FRYL: variants seen among roughly 807,000 people sequenced by gnomAD.
FRYL encodes FRY like transcription coactivator.
In FRYL, 150 loss-of-function variants were observed where a neutral mutation model predicts 351.2. The observed-to-expected ratio is 0.43, with a 90% CI of 0.37 to 0.49. The LOEUF (loss-of-function observed/expected upper bound fraction) is 0.49. FRYL is among the 20% of genes least tolerant of loss of function. The pLI, the probability that FRYL is intolerant of heterozygous loss-of-function variation, is 0.00. For missense variants in FRYL, 3,036 were observed against 3,619.3 expected (o/e 0.84, Z 4.13); for synonymous variants, 1,153 against 1,257.1 (o/e 0.92, Z 1.75).
chr4:48,779,545 C>T (rs1176997133), intron 1 of FRYL, among the ~76,000 whole-genome samples: 2 of 151,918 alleles, frequency 1.3e-5, no homozygotes, highest in East Asian at 3.9e-4. Flanking sequence ...CGCCGGGGCC[C>T]GCCAGCCGCC....
At chr4:48,770,021 T>C (rs1280146228) in intron 1 of FRYL, among the ~76,000 whole-genome samples, 2 of 152,174 alleles carry the variant, frequency 1.3e-5, no homozygotes, top group Non-Finnish European at 2.9e-5. Flanking sequence ...TACCTGTACA[T>C]ACACATACAA....
At chr4:48,774,732 G>C (rs748883044) in intron 1 of FRYL, among the ~76,000 whole-genome samples, 5 of 152,028 alleles carry the variant, frequency 3.3e-5, no homozygotes, top group Non-Finnish European at 7.4e-5. Context: ...ATTTTAAGTA[G>C]AGACAGGGTT....
At chr4:48,642,688 G>T (rs980892813) in intron 3 of FRYL, among the ~76,000 whole-genome samples, 2 of 151,938 alleles carry the variant, frequency 1.3e-5, no homozygotes, top group Admixed American at 6.6e-5. Context: ...TTATTATAAA[G>T]CTCAAGAAAA....
chr4:48,503,095 G>A (rs1333087458), intron 60 of FRYL, among the ~76,000 whole-genome samples: 3 of 151,766 alleles, frequency 2.0e-5, no homozygotes, highest in Non-Finnish European at 4.4e-5. Flanking sequence ...ACTTATTTCT[G>A]TGTAAAAGCT....
At chr4:48,665,843 G>T (rs1761626416) in intron 3 of FRYL, among the ~76,000 whole-genome samples, 2 of 152,100 alleles carry the variant, frequency 1.3e-5, no homozygotes, top group Non-Finnish European at 2.9e-5. Context: ...CAAAGTAAAG[G>T]CTCACTATTT....
Position 48,544,118 on chromosome 4 carries a change from TAA to T in FRYL, c.5402-123_5402-122del, listed in dbSNP as rs1730830679. The T allele has an allele frequency of 3.9e-6, 3 of 762,002 alleles. No individual in the cohort carries two copies. In the South Asian group the frequency reaches 5.7e-5, roughly 15 times the overall value. The allele number at this position is 762,002 out of a possible 1,614,324, so 47.2% of individuals were successfully genotyped here. A position where few individuals can be genotyped will look rare whatever the true frequency, so the allele number is the denominator to read the frequency against. On this transcript the variant is annotated intron_variant, in intron 43 of 63. Transcript: ENST00000358350. ...CACACTTCCTGGCTCTCACATTTTA[TAA>T]GTCAATGCTTTTTCTTTGCTTAAAC... is the stretch of plus-strand genomic sequence containing the variant.
intron 59 of FRYL, among the ~76,000 whole-genome samples, chr4:48,508,771 C>T (rs1721851397): frequency 6.6e-6 from 1 of 152,136 alleles, no homozygotes; most frequent in Admixed American, 6.5e-5. Flanking sequence ...GGCTAGAGGT[C>T]AAATAGTTTC....
chr4:48,533,018 G>C (rs1296323858), intron 49 of FRYL, among the ~76,000 whole-genome samples: 1 of 152,110 alleles, frequency 6.6e-6, no homozygotes, highest in Non-Finnish European at 1.5e-5. Flanking sequence ...CTCTTAAAGT[G>C]AGAAGTCTGC....
At chr4:48,546,343 G>A in intron 41 of FRYL, 72 bp from the exon 42 acceptor site, 1 of 1,227,238 alleles carries the variant, frequency 8.1e-7, no homozygotes, top group Non-Finnish European at 1.2e-6. Context: ...GAATTAAACT[G>A]TTGTTCCTTA....
intron 3 of FRYL, among the ~76,000 whole-genome samples, chr4:48,682,453 A>G (rs1268936331): frequency 6.6e-6 from 1 of 152,218 alleles, no homozygotes; most frequent in African/African-American, 2.4e-5. Context: ...TGCACAGCCA[A>G]AGAAACTATC....
chr4:48,658,535 G>C (rs1168897201), intron 3 of FRYL, among the ~76,000 whole-genome samples: 1 of 136,496 alleles, frequency 7.3e-6, no homozygotes, highest in Non-Finnish European at 1.5e-5. Flanking sequence ...CCAGGAGTTT[G>C]AGACCAGCCT....
rs764638518 is a variant in FRYL, at chr4:48,501,639, A to G, written c.8576T>C (p.Ile2859Thr). The G allele has an allele frequency of 1.0e-5, 16 of 1,586,852 alleles. No homozygotes were observed. The highest frequency in any genetic ancestry group is 1.4e-5 in the Non-Finnish European group (16 of 1,156,698). The change falls in exon 62 of 64, where the codon ATA becomes ACA. Residue 2859 changes from isoleucine (I) to threonine (T), a missense_variant. By Grantham distance (89) the Ile-to-Thr change is moderately conservative. Transcript: ENST00000358350. ...AATATTTACCTCTGCTTCATTTTTT[A>G]TCGTATTTACTTGGTTGATAAGTTT... is the stretch of plus-strand genomic sequence containing the variant. ...YCKLINQVNTIKNEAEVINMS... is the reference protein window; with the variant it reads ...YCKLINQVNTTKNEAEVINMS...
intron 62 of FRYL, among the ~76,000 whole-genome samples, chr4:48,501,026 C>T (rs1255000431): frequency 1.5e-5 from 2 of 132,620 alleles, no homozygotes; most frequent in Non-Finnish European, 3.1e-5. Context: ...GTGGAAGTTG[C>T]AGTGAGTTGA....
At chr4:48,543,203 C>G (rs886141866) in intron 44 of FRYL, among the ~76,000 whole-genome samples, 22 of 152,238 alleles carry the variant, frequency 1.4e-4, no homozygotes, top group African/African-American at 4.6e-4. Flanking sequence ...CTTCAAAAAT[C>G]ACCTTCTCAG....
chr4:48,573,074 TA>T, intron 26 of FRYL, 111 bp downstream of exon 26: 1 of 726,858 alleles, frequency 1.4e-6, no homozygotes, highest in Non-Finnish European at 2.3e-6. Context: ...GTCTGCATCT[TA>T]AAAAGAAGAA....
intron 63 of FRYL, 146 bp downstream of exon 63, chr4:48,499,884 C>G (rs527370648): frequency 1.3e-6 from 1 of 751,346 alleles, no homozygotes; most frequent in Non-Finnish European, 2.1e-6. Flanking sequence ...AAATTGGTAT[C>G]ATTTCAGTGG....
chr4:48,696,852 CTAT>C (rs1316071507), intron 2 of FRYL, among the ~76,000 whole-genome samples: 1 of 113,248 alleles, frequency 8.8e-6, no homozygotes, highest in East Asian at 2.4e-4. Context: ...AGAGATCTAT[CTAT>C]CTATCTATCT....
rs771271482 is a variant in FRYL, at chr4:48,521,186, T to C, written c.7551A>G (p.Thr2517=). The change falls in exon 55 of 64, where the codon ACA becomes ACG. Residue 2517 remains threonine (T), a synonymous_variant. Transcript: ENST00000358350. ...MLNSDSATDE[T]IPDHPDLLLQ... is the part of the protein sequence containing the mutation. ...GAAGTAAGTCAGGATGGTCTGGTATTGTTTCATCAGTGGCAGAATCACTGT... is the reference window on the plus strand; with the variant it reads ...GAAGTAAGTCAGGATGGTCTGGTATCGTTTCATCAGTGGCAGAATCACTGT... 1.2e-5 allele frequency: 20 copies of C among 1,610,408 alleles called. No individual in the cohort carries two copies. In the East Asian group the frequency reaches 4.0e-4, roughly 32 times the overall value.
intron 3 of FRYL, among the ~76,000 whole-genome samples, chr4:48,650,670 C>A (rs576130637): frequency 1.3e-5 from 2 of 152,240 alleles, no homozygotes; most frequent in Non-Finnish European, 2.9e-5. Flanking sequence ...TGAGCAGAGG[C>A]TAGATGATGA....
Sources: allele counts gnomAD v4.1 joint callset (sites outside exome capture counted in the v4.1 genomes callset), GRCh38; gene constraint gnomAD v4.1.1; transcripts MANE v1.5; gene names NCBI Gene and HGNC (gene_info 2026-07-23, HGNC 2026-07-21).